The following CPED1 variants were observed in gnomAD, a reference collection of about 807,000 sequenced individuals.
The protein encoded by CPED1 is cadherin like and PC-esterase domain containing 1.
Under a neutral mutation model 128.2 loss-of-function variants are expected in CPED1, and 114 were observed. That is an observed-to-expected ratio of 0.89 (90% CI 0.76 to 1.04). The LOEUF (loss-of-function observed/expected upper bound fraction) is 1.04, where lower values mean the gene tolerates loss of function less well. CPED1 is among the 50% of genes least tolerant of loss of function. The pLI is 0.00. For missense variants in CPED1, 1,211 were observed against 1,207.1 expected (o/e 1.00, Z -0.05); for synonymous variants, 462 against 426.7 (o/e 1.08, Z -1.02).
chr7:121,047,696 TCTTCTTCTTCTTCTTCTTC>T (rs1563004933), intron 4 of CPED1, among the ~76,000 whole-genome samples: 35 of 32,656 alleles, frequency 1.1e-3, no homozygotes, highest in East Asian at 2.0e-3. Context: ...TTCTTCTTCT[TCTTCTTCTTCTTCTTCTTC>T]TTTTTTTTTT....
At chr7:121,170,631 C>G (rs1796631691) in intron 16 of CPED1, among the ~76,000 whole-genome samples, 1 of 152,074 alleles carries the variant, frequency 6.6e-6, no homozygotes, top group East Asian at 1.9e-4. Context: ...TCATGGAGCT[C>G]ACAGTCTAGT....
chr7:121,176,246 T>G (rs1385004597), intron 16 of CPED1, among the ~76,000 whole-genome samples: 1 of 147,990 alleles, frequency 6.8e-6, no homozygotes, highest in East Asian at 1.9e-4. Context: ...AATTGCATAG[T>G]TAGTTAAATA....
At chr7:121,251,752 T>TC (rs1451334201) in intron 18 of CPED1, among the ~76,000 whole-genome samples, 1 of 132,798 alleles carries the variant, frequency 7.5e-6, no homozygotes, top group Admixed American at 7.3e-5. Flanking sequence ...GAATCCAACT[T>TC]AAAGGGATGT....
At position 121,049,881 on chromosome 7, in the gene CPED1, GA is replaced by G. The variant is rs1319977217; in HGVS notation, c.540+2889del. On this transcript the variant is annotated intron_variant, in intron 4 of 22. Transcript: ENST00000310396. ...GTTTTGGTTTTGTCACATCTGGGGG[GA>G]TGTTTGGTACTGGCATCTATAGGTT... Among the ~76,000 whole-genome samples the G allele has an allele frequency of 7.2e-5, 11 of 152,182 alleles. 1 individual carries two copies. In the East Asian group the frequency reaches 9.6e-4, roughly 13 times the overall value.
intron 3 of CPED1, among the ~76,000 whole-genome samples, chr7:121,046,606 A>G (rs932121088): frequency 1.3e-5 from 2 of 152,002 alleles, no homozygotes; most frequent in African/African-American, 4.8e-5. Context: ...AATCTTTTAA[A>G]TGAATTTTAT....
chr7:120,992,786 G>A (rs1174121120), intron 2 of CPED1, among the ~76,000 whole-genome samples: 3 of 151,972 alleles, frequency 2.0e-5, no homozygotes, highest in East Asian at 1.9e-4. Context: ...CTTTTTTGTT[G>A]CAGTTGTATC....
At chr7:121,010,809 G>A (rs1318410372) in intron 2 of CPED1, among the ~76,000 whole-genome samples, 1 of 152,170 alleles carries the variant, frequency 6.6e-6, no homozygotes, top group Non-Finnish European at 1.5e-5. Flanking sequence ...CATTTGGAGA[G>A]GGACATGCTT....
chr7:121,233,469 A>G (rs1352778609), intron 16 of CPED1, among the ~76,000 whole-genome samples: 1 of 152,030 alleles, frequency 6.6e-6, no homozygotes, highest in African/African-American at 2.4e-5. Context: ...GGACTGCTTG[A>G]GCCTGGGAGT....
At chr7:121,095,346 A>G (rs1794673404) in intron 5 of CPED1, among the ~76,000 whole-genome samples, 1 of 152,298 alleles carries the variant, frequency 6.6e-6, no homozygotes, top group East Asian at 1.9e-4. Context: ...GGACACTGAA[A>G]TGTTTACACG....
At chr7:121,013,707 T>C (rs575239015) in intron 2 of CPED1, among the ~76,000 whole-genome samples, 2 of 152,334 alleles carry the variant, frequency 1.3e-5, no homozygotes, top group Non-Finnish European at 2.9e-5. Context: ...GATGCAGAGT[T>C]TGTGTCCTCC....
chr7:121,158,292 C>T (rs544655838), intron 16 of CPED1, among the ~76,000 whole-genome samples: 1 of 152,234 alleles, frequency 6.6e-6, no homozygotes, highest in South Asian at 2.1e-4. Context: ...TTGTGTAAAG[C>T]CCCCAAAATA....
At chr7:121,163,159 T>C (rs933402133) in intron 16 of CPED1, among the ~76,000 whole-genome samples, 4 of 152,176 alleles carry the variant, frequency 2.6e-5, no homozygotes, top group African/African-American at 9.7e-5. Flanking sequence ...CTCCAATCCA[T>C]TTATCCAACT....
rs780572658 is a variant in CPED1 at position 121,236,745 on chromosome 7, C to A, written c.2087C>A (p.Thr696Asn). 1 of 1,605,816 alleles carries A rather than the reference C, an allele frequency of 6.2e-7. No homozygotes were observed. Among genetic ancestry groups the A allele is most frequent in the African/African-American group, 1.3e-5 (1 of 74,604 alleles). ...DCGLLIHPEE[T>N]CGLQPISSDY... ...GGTTTGCTGATTCATCCAGAGGAAACCTGTGGGTTACAGCCTATTTCTTCT... is the reference window on the plus strand; with the variant it reads ...GGTTTGCTGATTCATCCAGAGGAAAACTGTGGGTTACAGCCTATTTCTTCT... Residue 696 changes from threonine (T) to asparagine (N), a missense_variant, in exon 17 of 23, where the codon ACC (threonine) becomes AAC (asparagine). Transcript: ENST00000310396.
At chr7:121,235,179 G>T (rs2116661463) in intron 16 of CPED1, among the ~76,000 whole-genome samples, 1 of 152,114 alleles carries the variant, frequency 6.6e-6, no homozygotes, top group African/African-American at 2.4e-5. Flanking sequence ...TAAATGGTTG[G>T]ATAGATATCA....
chr7:121,149,994 C>G (rs1796119749), intron 16 of CPED1, among the ~76,000 whole-genome samples: 1 of 152,060 alleles, frequency 6.6e-6, no homozygotes, highest in African/African-American at 2.4e-5. Context: ...AGGTATATAC[C>G]AGCATAGTGA....
intron 16 of CPED1, among the ~76,000 whole-genome samples, chr7:121,227,814 T>G (rs756306430): frequency 1.3e-5 from 2 of 152,114 alleles, no homozygotes; most frequent in Non-Finnish European, 2.9e-5. Context: ...CAATTATCCT[T>G]ATGCTCCAGT....
At chr7:120,997,940 AAT>A (rs1796437452) in intron 2 of CPED1, among the ~76,000 whole-genome samples, 3 of 130,628 alleles carry the variant, frequency 2.3e-5, no homozygotes, top group African/African-American at 1.0e-4. Flanking sequence ...AATAAAATAA[AAT>A]AAAATAAAAT....
intron 2 of CPED1, among the ~76,000 whole-genome samples, chr7:121,008,078 A>G (rs1383392552): frequency 6.6e-6 from 1 of 151,998 alleles, no homozygotes; most frequent in Non-Finnish European, 1.5e-5. Context: ...TCAGGTAGTA[A>G]AAGTCTCGCC....
chr7:121,116,766 G>A (rs182461750), intron 7 of CPED1, among the ~76,000 whole-genome samples: 4 of 151,940 alleles, frequency 2.6e-5, no homozygotes, highest in South Asian at 2.1e-4. Context: ...AACCTTAGGC[G>A]TGTACCTTGC....
Sources: gnomAD v4.1 joint callset for allele counts (sites outside exome capture counted in the v4.1 genomes callset) on GRCh38, gnomAD v4.1.1 for gene constraint, MANE v1.5 for transcripts, NCBI Gene and HGNC (gene_info 2026-07-23, HGNC 2026-07-21) for gene names.